The following WDR70 variants were observed in gnomAD, a reference collection of about 807,000 sequenced individuals.
WDR70 encodes WD repeat domain 70.
Under a neutral mutation model 88.6 loss-of-function variants are expected in WDR70, and 53 were observed. The ratio of observed to expected loss-of-function variants is 0.60; its 90% confidence interval spans 0.48 to 0.75. The LOEUF (loss-of-function observed/expected upper bound fraction) is 0.75, where lower values mean the gene tolerates loss of function less well. Ranked by LOEUF, WDR70 falls within the 30% of genes least tolerant of loss-of-function variation. The pLI is 0.00. For synonymous variants in WDR70, 280 were observed against 270.0 expected, an observed-to-expected ratio of 1.04 and a Z score of -0.36; for missense variants, 610 against 823.2, an observed-to-expected ratio of 0.74 and a Z score of 3.17.
In WDR70 at chr5:37,735,212, T is replaced by C. The variant is rs1276619355; in HGVS notation, c.1877+8167T>C. Reference sequence around the variant, plus strand: ...CTTGGACAGTCATTCATTCAGATTTTCAACTTTCTTTAAATAAGAATTAAT... The same window carrying C: ...CTTGGACAGTCATTCATTCAGATTTCCAACTTTCTTTAAATAAGAATTAAT... On this transcript the variant is annotated intron_variant, in intron 17 of 17. Coordinates refer to ENST00000265107, the MANE Select transcript of WDR70 (RefSeq NM_018034.4). 2.6e-5 allele frequency among the ~76,000 whole-genome samples: 4 copies of C among 152,272 alleles called. No individual in the cohort carries two copies. The East Asian group carries it at 7.7e-4, about 29-fold the overall frequency.
At chr5:37,689,457 G>T (rs1746718219) in intron 10 of WDR70, among the ~76,000 whole-genome samples, 1 of 152,170 alleles carries the variant, frequency 6.6e-6, no homozygotes, top group Non-Finnish European at 1.5e-5. Context: ...ACCTCATATA[G>T]GTGGGTGACC....
intron 10 of WDR70, among the ~76,000 whole-genome samples, chr5:37,652,753 G>T (rs1243848740): frequency 6.6e-6 from 1 of 152,128 alleles, no homozygotes; most frequent in Non-Finnish European, 1.5e-5. Context: ...TCCTTTATTG[G>T]TGTATAGGAA....
intron 5 of WDR70, among the ~76,000 whole-genome samples, chr5:37,401,816 G>C (rs1749204254): frequency 6.6e-6 from 1 of 151,960 alleles, no homozygotes; most frequent in Non-Finnish European, 1.5e-5. Flanking sequence ...TGACATAATT[G>C]TACATATTTC....
intron 9 of WDR70, among the ~76,000 whole-genome samples, chr5:37,565,114 GTTCT>G (rs967533355): frequency 7.9e-5 from 12 of 152,098 alleles, no homozygotes; most frequent in Non-Finnish European, 1.5e-4. Flanking sequence ...TACAGATCTT[GTTCT>G]TTCTGAGTGT....
chr5:37,668,755 A>C (rs1745936681), intron 10 of WDR70, among the ~76,000 whole-genome samples: 1 of 152,210 alleles, frequency 6.6e-6, no homozygotes, highest in Admixed American at 6.5e-5. Context: ...CTAGGTAGTC[A>C]CACACTGTGG....
At chr5:37,607,008 A>T (rs1251776982) in intron 10 of WDR70, among the ~76,000 whole-genome samples, 2 of 148,242 alleles carry the variant, frequency 1.3e-5, no homozygotes, top group East Asian at 4.0e-4. Context: ...GAATGATCTC[A>T]GCTCACTGCA....
chr5:37,675,710 G>A (rs967109045), intron 10 of WDR70, among the ~76,000 whole-genome samples: 3 of 152,134 alleles, frequency 2.0e-5, no homozygotes, highest in African/African-American at 4.8e-5. Context: ...TTGCCTTGGC[G>A]ATGCGAGTTC....
intron 17 of WDR70, among the ~76,000 whole-genome samples, chr5:37,750,067 T>C (rs1451560238): frequency 6.6e-6 from 1 of 152,184 alleles, no homozygotes; most frequent in Non-Finnish European, 1.5e-5. Context: ...TTTTGACAAA[T>C]GCATACACCT....
chr5:37,578,215 G>C (rs1051511027), intron 9 of WDR70, among the ~76,000 whole-genome samples: 27 of 152,078 alleles, frequency 1.8e-4, no homozygotes, highest in Non-Finnish European at 8.8e-5. Flanking sequence ...TGGAGAGGTG[G>C]AAATAATGGC....
chr5:37,718,467 C>G (rs973106122), intron 13 of WDR70, among the ~76,000 whole-genome samples: 2 of 152,100 alleles, frequency 1.3e-5, no homozygotes, highest in Non-Finnish European at 2.9e-5. Flanking sequence ...CTCTAGAGAA[C>G]CAAGAAAGAG....
chr5:37,725,750 A>T (rs190734633), intron 16 of WDR70, among the ~76,000 whole-genome samples: 3 of 152,168 alleles, frequency 2.0e-5, no homozygotes, highest in Non-Finnish European at 4.4e-5. Flanking sequence ...GAACCCTTCT[A>T]ACTATGCACC....
chr5:37,630,398 A>T (rs1238159900), intron 10 of WDR70, among the ~76,000 whole-genome samples: 1 of 151,956 alleles, frequency 6.6e-6, no homozygotes, highest in Non-Finnish European at 1.5e-5. Flanking sequence ...CTTGTTGAGG[A>T]TGTGAGGGGG....
intron 10 of WDR70, among the ~76,000 whole-genome samples, chr5:37,658,751 A>G (rs1295444603): frequency 6.6e-6 from 1 of 152,204 alleles, no homozygotes; most frequent in East Asian, 1.9e-4. Context: ...AATGAATAAT[A>G]CAGAAACCCC....
intron 10 of WDR70, among the ~76,000 whole-genome samples, chr5:37,679,001 C>T (rs892234120): frequency 6.6e-6 from 1 of 152,230 alleles, no homozygotes; most frequent in Non-Finnish European, 1.5e-5. Flanking sequence ...ATCACTGATA[C>T]CCTTTCTTCC....
intron 9 of WDR70, among the ~76,000 whole-genome samples, chr5:37,540,886 T>C (rs1425121758): frequency 1.3e-5 from 2 of 152,228 alleles, no homozygotes; most frequent in African/African-American, 2.4e-5. Flanking sequence ...TTTGATATTT[T>C]ATTTTTTTAA....
Position 37,649,733 on chromosome 5 carries a change from C to CTT in WDR70, c.1092+44516_1092+44517dup, listed in dbSNP as rs70978834. Among the ~76,000 whole-genome samples, 146 of 68,746 alleles carry CTT rather than the reference C, an allele frequency of 2.1e-3. 1 individual carries two copies. Among genetic ancestry groups the CTT allele is most frequent in the East Asian group, 2.7e-3 (6 of 2,240 alleles). 45.1% of individuals were successfully genotyped at this position (68,746 alleles called of 152,430 possible). On this transcript the variant is annotated intron_variant, in intron 10 of 17. Coordinates refer to ENST00000265107, the MANE Select transcript of WDR70 (RefSeq NM_018034.4). The stretch of plus-strand genomic sequence containing the variant: ...ATATACATTCACGATGTTATTACTT[C>CTT]TTTTTTTTTTTTTTTTTTTTTTGAG...
At chr5:37,442,370 G>T (rs1361773014) in intron 6 of WDR70, among the ~76,000 whole-genome samples, 1 of 141,172 alleles carries the variant, frequency 7.1e-6, no homozygotes, top group Non-Finnish European at 1.5e-5. Context: ...ACAGAGTCTC[G>T]CTCTGTCACC....
At chr5:37,465,121 G>C (rs895660431) in intron 7 of WDR70, among the ~76,000 whole-genome samples, 2 of 152,162 alleles carry the variant, frequency 1.3e-5, no homozygotes, top group African/African-American at 4.8e-5. Context: ...TTGGGATCCT[G>C]GTCAGAATTT....
intron 10 of WDR70, among the ~76,000 whole-genome samples, chr5:37,641,039 A>G (rs1745088324): frequency 6.6e-6 from 1 of 152,080 alleles, no homozygotes; most frequent in Non-Finnish European, 1.5e-5. Flanking sequence ...CTTTGGAACT[A>G]TTTTTCCTCA....
Sources: gnomAD v4.1 joint callset for allele counts (sites outside exome capture counted in the v4.1 genomes callset) on GRCh38, gnomAD v4.1.1 for gene constraint, MANE v1.5 for transcripts, NCBI Gene and HGNC (gene_info 2026-07-23, HGNC 2026-07-21) for gene names.